MGRN1: variants seen among roughly 807,000 people sequenced by gnomAD.
The protein encoded by MGRN1 is E3 ubiquitin-protein ligase MGRN1.
A neutral mutation model predicts 69.2 loss-of-function variants in MGRN1; 29 were observed. The ratio of observed to expected loss-of-function variants is 0.42; its 90% confidence interval spans 0.31 to 0.57. The LOEUF is 0.57. MGRN1 is among the 20% of genes least tolerant of loss of function. The pLI, the probability that MGRN1 is intolerant of heterozygous loss-of-function variation, is 0.15. For synonymous variants in MGRN1, 470 were observed against 344.2 expected (o/e 1.37, Z -4.04); for missense variants, 998 against 796.2 (o/e 1.25, Z -3.05).
chr16:4,656,478 G>A (rs1567199325), intron 4 of MGRN1, among the ~76,000 whole-genome samples: 1 of 152,272 alleles, frequency 6.6e-6, no homozygotes, highest in Non-Finnish European at 1.5e-5. Context: ...CCTTCCGGGA[G>A]TGATCTGTGG....
At chr16:4,661,621 C>T (rs2078683474) in intron 5 of MGRN1, among the ~76,000 whole-genome samples, 1 of 152,268 alleles carries the variant, frequency 6.6e-6, no homozygotes, top group African/African-American at 2.4e-5. Context: ...GGCCAGTGCC[C>T]TGCCAGCTCC....
At chr16:4,686,352 G>C (rs1463364552) in intron 16 of MGRN1, 10 of 1,535,726 alleles carry the variant, frequency 6.5e-6, no homozygotes, top group Middle Eastern at 1.7e-4. Context: ...CGCGTCCTTG[G>C]AGAGAGGAGC....
chr16:4,680,014 T>A lies in MGRN1; in HGVS notation c.1066-18T>A, dbSNP rs769456736. On this transcript the variant is annotated intron_variant, in intron 11 of 16. Transcript: ENST00000262370. ...GTGGGGGTGGTAGTTGTAAAACATA[T>A]GATTTTTATCTTGACAGTGTCCCTT... The A allele has an allele frequency of 1.9e-6, 3 of 1,613,040 alleles. No homozygotes were observed. The highest frequency in any genetic ancestry group is 1.1e-5 in the South Asian group (1 of 90,930).
intron 1 of MGRN1, 78 bp from the exon 2 acceptor site, chr16:4,650,287 G>A (rs1236415123): frequency 5.6e-5 from 63 of 1,132,132 alleles, no homozygotes; most frequent in Non-Finnish European, 7.4e-5. Flanking sequence ...TGGGTGGAGC[G>A]CCACTGCACT....
chr16:4,664,577 C>G (rs7199271), intron 5 of MGRN1, 132 bp from the exon 6 acceptor site: 20 of 864,478 alleles, frequency 2.3e-5, no homozygotes, highest in Middle Eastern at 2.3e-4. Flanking sequence ...CCTGCCATCT[C>G]GAGGCGTGTC....
chr16:4,682,746 C>T lies in MGRN1; in HGVS notation c.1359-77C>T, dbSNP rs1596317860. 46 of 1,420,224 alleles carry T rather than the reference C, an allele frequency of 3.2e-5. No homozygotes were observed. The East Asian group carries it at 1.2e-3, about 36-fold the overall frequency. The allele number at this position is 1,420,224 out of a possible 1,614,324, so 88.0% of individuals were successfully genotyped here. On this transcript the variant is annotated intron_variant, in intron 13 of 16. Transcript: ENST00000262370. ...AGGCGTGTGCAGGGGCCCCCAGGTG[C>T]CCTGCATGGCTTTGGCAGGGTTAGC... is the stretch of plus-strand genomic sequence containing the variant.
Position 4,688,524 on chromosome 16 carries a change from G to A in MGRN1, c.1619-272G>A, listed in dbSNP as rs545957507. 2,374 of 1,236,384 alleles carry A rather than the reference G, an allele frequency of 1.9e-3. 7 individuals are homozygous for A. Among genetic ancestry groups the A allele is most frequent in the Admixed American group, 2.9e-3 (76 of 25,866 alleles). 76.6% of individuals were successfully genotyped at this position (1,236,384 alleles called of 1,614,324 possible). On this transcript the variant is annotated intron_variant, in intron 16 of 16. Transcript: ENST00000262370. ...CCCAGAGGGCATCCACCGCGGTGCC[G>A]TGTCGCGCTCTGACTCGGGGCTGCA... is the stretch of plus-strand genomic sequence containing the variant.
intron 8 of MGRN1, among the ~76,000 whole-genome samples, chr16:4,671,086 T>G (rs1319371535): frequency 2.0e-5 from 3 of 151,334 alleles, no homozygotes; most frequent in Non-Finnish European, 4.4e-5. Flanking sequence ...GGGCTGGTGG[T>G]GGTGGAGCCA....
chr16:4,660,398 G>A (rs2078650121), intron 5 of MGRN1, among the ~76,000 whole-genome samples: 1 of 152,228 alleles, frequency 6.6e-6, no homozygotes, highest in South Asian at 2.1e-4. Context: ...GAAGGCTATA[G>A]CCACCATCTT....
At chr16:4,652,423 G>A (rs939329784) in intron 3 of MGRN1, among the ~76,000 whole-genome samples, 1 of 152,110 alleles carries the variant, frequency 6.6e-6, no homozygotes, top group Non-Finnish European at 1.5e-5. Context: ...TGCTTAAACC[G>A]ACTAGACTTG....
chr16:4,671,578 GACA>G, intron 9 of MGRN1, 119 bp downstream of exon 9: 1 of 844,130 alleles, frequency 1.2e-6, no homozygotes, highest in Non-Finnish European at 2.0e-6. Flanking sequence ...AGACCCGCTA[GACA>G]ACATCATTTT....
chr16:4,684,812 C>A (rs960437225), intron 16 of MGRN1, among the ~76,000 whole-genome samples: 1 of 152,264 alleles, frequency 6.6e-6, no homozygotes, highest in Non-Finnish European at 1.5e-5. Flanking sequence ...TGCTTTCAGA[C>A]ATGACCCCAG....
At chr16:4,628,695 C>A (rs1192334893) in intron 1 of MGRN1, among the ~76,000 whole-genome samples, 2 of 152,152 alleles carry the variant, frequency 1.3e-5, no homozygotes, top group Admixed American at 6.6e-5. Flanking sequence ...CAGGTGCGCA[C>A]CACCACGCCC....
At chr16:4,650,299 T>C (rs930144086) in intron 1 of MGRN1, 66 bp from the exon 2 acceptor site, 1 of 1,344,694 alleles carries the variant, frequency 7.4e-7, no homozygotes, top group Non-Finnish European at 1.0e-6. Context: ...CACTGCACTC[T>C]AGCCTGAGAC....
At chr16:4,639,039 C>T (rs901849431) in intron 1 of MGRN1, among the ~76,000 whole-genome samples, 1 of 152,168 alleles carries the variant, frequency 6.6e-6, no homozygotes, top group Admixed American at 6.5e-5. Flanking sequence ...GGTTGTGTGA[C>T]CTGAGCAGGT....
At chr16:4,627,797 A>G (rs1897760415) in intron 1 of MGRN1, among the ~76,000 whole-genome samples, 1 of 132,528 alleles carries the variant, frequency 7.5e-6, no homozygotes, top group African/African-American at 2.9e-5. Context: ...CTCAAAAAAA[A>G]AGGCTGGGCG....
At position 4,677,534 on chromosome 16, in the gene MGRN1, C is replaced by G; in HGVS notation, c.1027C>G (p.Pro343Ala). The change falls in exon 11 of 17, where the codon CCC becomes GCC. Residue 343 changes from proline (P) to alanine (A), a missense_variant. By Grantham distance (27) the Pro-to-Ala change is conservative (BLOSUM62 -1). Transcript: ENST00000262370. ...AGCCCTGTCCCCCGTGTCCTTCAGC[C>G]CCGTCCTGGCCCAGAGCCTGGAGCA... ...PGALSPVSFS[P>A]VLAQSLEHDE... is the part of the protein sequence containing the mutation. 1.3e-6 allele frequency: 2 copies of G among 1,599,682 alleles called. No homozygotes were observed. Among genetic ancestry groups the G allele is most frequent in the South Asian group, 2.2e-5 (2 of 91,046 alleles).
At chr16:4,653,434 C>T (rs998571622) in intron 4 of MGRN1, among the ~76,000 whole-genome samples, 2 of 152,190 alleles carry the variant, frequency 1.3e-5, no homozygotes, top group Admixed American at 1.3e-4. Flanking sequence ...AGCCCCTGTC[C>T]CCTCCCTGGA....
At chr16:4,655,409 TC>T (rs531066094) in intron 4 of MGRN1, among the ~76,000 whole-genome samples, 2 of 151,390 alleles carry the variant, frequency 1.3e-5, no homozygotes, top group South Asian at 2.1e-4. Flanking sequence ...AATGCCACAG[TC>T]CCCCCCTCTC....
Sources: allele counts gnomAD v4.1 joint callset (sites outside exome capture counted in the v4.1 genomes callset), GRCh38; gene constraint gnomAD v4.1.1; transcripts MANE v1.5; gene names NCBI Gene and HGNC (gene_info 2026-07-23, HGNC 2026-07-21).